EEIG1: variants seen among roughly 807,000 people sequenced by gnomAD.
EEIG1 encodes early estrogen-induced gene 1 protein.
At chr9:127,943,817 G>C in the EEIG1 span, 127,352 of 156,612 alleles carry the variant, frequency 0.81, 52,318 homozygotes, top group Non-Finnish European at 0.87. Context: ...ACCCCCACCC[G>C]AGAGCAGCCC....
chr9:127,979,183 C>A, the EEIG1 span, among the ~76,000 whole-genome samples: 1 of 152,186 alleles, frequency 6.6e-6, no homozygotes, highest in African/African-American at 2.4e-5. Context: ...AGCTTCTCCA[C>A]CTGTATTAGG....
At chr9:127,961,950 G>A in the EEIG1 span, among the ~76,000 whole-genome samples, 1 of 152,190 alleles carries the variant, frequency 6.6e-6, no homozygotes, top group Non-Finnish European at 1.5e-5. Flanking sequence ...GCTTACAGAG[G>A]AGCTGTATGG....
At chr9:127,966,417 G>A in the EEIG1 span, among the ~76,000 whole-genome samples, 1 of 151,514 alleles carries the variant, frequency 6.6e-6, no homozygotes, top group Non-Finnish European at 1.5e-5. Context: ...AGACCAGCCT[G>A]GGCAACATAG....
chr9:127,974,658 GC>G, the EEIG1 span, among the ~76,000 whole-genome samples: 1 of 152,192 alleles, frequency 6.6e-6, no homozygotes, highest in Non-Finnish European at 1.5e-5. Context: ...CCAGCTGCCT[GC>G]CGGGATCCAG....
At chr9:127,948,434 C>T in the EEIG1 span, 1 of 1,613,546 alleles carries the variant, frequency 6.2e-7, no homozygotes, top group East Asian at 2.2e-5. Context: ...GGGGAGCAAT[C>T]AGCTATGCCC....
chr9:127,949,562 T>C, the EEIG1 span, among the ~76,000 whole-genome samples: 1 of 152,188 alleles, frequency 6.6e-6, no homozygotes, highest in South Asian at 2.1e-4. Flanking sequence ...CCTGTGCTTT[T>C]CAGCCTGACT....
At chr9:127,942,270 C>T in the EEIG1 span, 1 of 152,620 alleles carries the variant, frequency 6.6e-6, no homozygotes, top group South Asian at 2.1e-4. Context: ...TGCAGGAAAA[C>T]CAGCTGCTCA....
chr9:127,980,325 G>A, the EEIG1 span: 3 of 576,808 alleles, frequency 5.2e-6, no homozygotes, highest in Admixed American at 3.3e-5. Flanking sequence ...TTCGCGGGCC[G>A]GCGGGCTTCA....
At chr9:127,974,115 G>A in the EEIG1 span, among the ~76,000 whole-genome samples, 2 of 152,092 alleles carry the variant, frequency 1.3e-5, no homozygotes, top group South Asian at 2.1e-4. Context: ...TAGGCATGAT[G>A]CCAGCCCTGC....
At chr9:127,944,903 G>C in the EEIG1 span, 1 of 1,610,242 alleles carries the variant, frequency 6.2e-7, no homozygotes, top group Non-Finnish European at 8.5e-7. Context: ...TTCCGCCTGG[G>C]TCAGGTCGTG....
the EEIG1 span, chr9:127,953,813 C>G: frequency 1.2e-6 from 2 of 1,613,910 alleles, no homozygotes; most frequent in Middle Eastern, 1.6e-4. Context: ...ACCTTGCGCA[C>G]AGACACACGG....
At chr9:127,956,372 G>A in the EEIG1 span, among the ~76,000 whole-genome samples, 2 of 152,142 alleles carry the variant, frequency 1.3e-5, no homozygotes, top group African/African-American at 4.8e-5. Context: ...CTTTTATACA[G>A]AAAACACTTA....
the EEIG1 span, among the ~76,000 whole-genome samples, chr9:127,960,063 T>C: frequency 1.3e-5 from 2 of 152,086 alleles, no homozygotes; most frequent in African/African-American, 4.8e-5. Flanking sequence ...GTCAGATAAA[T>C]AGAAAAATGG....
At chr9:127,955,747 A>G in the EEIG1 span, among the ~76,000 whole-genome samples, 8 of 152,210 alleles carry the variant, frequency 5.3e-5, no homozygotes, top group Non-Finnish European at 8.8e-5. Flanking sequence ...AGCCAATGAA[A>G]GCCCCTAAGC....
At chr9:127,946,256 G>A in the EEIG1 span, among the ~76,000 whole-genome samples, 1 of 152,240 alleles carries the variant, frequency 6.6e-6, no homozygotes, top group African/African-American at 2.4e-5. Context: ...GAGTTGGAGT[G>A]GAAGGGACAT....
chr9:127,965,766 A>G, the EEIG1 span, among the ~76,000 whole-genome samples: 1,603 of 152,354 alleles, frequency 0.011, 27 homozygotes, highest in African/African-American at 0.036. Flanking sequence ...CCCGAAGAGA[A>G]GAGAATACAG....
At chr9:127,942,924 G>T in the EEIG1 span, 4 of 507,806 alleles carry the variant, frequency 7.9e-6, no homozygotes, top group African/African-American at 7.8e-5. Context: ...CAAGCTGCAC[G>T]GGCCCGCCTG....
chr9:127,980,929 G>T, the EEIG1 span, among the ~76,000 whole-genome samples: 7 of 149,330 alleles, frequency 4.7e-5, no homozygotes, highest in Admixed American at 2.0e-4. Flanking sequence ...CAGCAGCGCC[G>T]CCCCCTGCGG....
the EEIG1 span, chr9:127,980,045 G>A: frequency 6.2e-7 from 1 of 1,613,824 alleles, no homozygotes; most frequent in Non-Finnish European, 8.5e-7. Flanking sequence ...CCTTGCAGAA[G>A]AGGACCCCGT....
Sources: gnomAD v4.1 joint callset for allele counts (sites outside exome capture counted in the v4.1 genomes callset) on GRCh38, gnomAD v4.1.1 for gene constraint, MANE v1.5 for transcripts, NCBI Gene and HGNC (gene_info 2026-07-23, HGNC 2026-07-21) for gene names.